Variants in FGF12 observed in about 807,000 individuals in gnomAD.
FGF12 encodes fibroblast growth factor 12.
Under a neutral mutation model 23.6 loss-of-function variants are expected in FGF12, and 14 were observed. The ratio of observed to expected loss-of-function variants is 0.59; its 90% CI spans 0.39 to 0.93. The LOEUF is 0.93. Ranked by LOEUF, FGF12 falls within the 40% of genes least tolerant of loss-of-function variation. The pLI is 0.00. For synonymous variants in FGF12, 62 were observed against 77.3 expected, an observed-to-expected ratio of 0.80 and a Z score of 1.04; for missense variants, 175 against 217.8, an observed-to-expected ratio of 0.80 and a Z score of 1.24.
intron 2 of FGF12, among the ~76,000 whole-genome samples, chr3:192,539,510 G>C (rs1412486081): frequency 6.6e-6 from 1 of 152,024 alleles, no homozygotes; most frequent in Non-Finnish European, 1.5e-5. Context: ...CATGATGAAT[G>C]ATCTTTTTAA....
intron 2 of FGF12, among the ~76,000 whole-genome samples, chr3:192,505,462 A>G (rs1170315956): frequency 6.6e-6 from 1 of 152,248 alleles, no homozygotes; most frequent in Non-Finnish European, 1.5e-5. Flanking sequence ...GAAACAAAAC[A>G]TATTAATGTT....
chr3:192,597,751 C>G (rs528592526), intron 2 of FGF12, among the ~76,000 whole-genome samples: 1 of 152,284 alleles, frequency 6.6e-6, no homozygotes, highest in South Asian at 2.1e-4. Flanking sequence ...TTGCCAGTTA[C>G]GTGGATGACA....
At position 192,408,786 on chromosome 3, in the gene FGF12, G is replaced by T. The variant is rs914585538; in HGVS notation, c.14-48248C>A. On this transcript the variant is annotated intron_variant, in intron 2 of 5. Transcript: ENST00000445105. The surrounding 1 kb of genome is among the most constrained non-coding windows in gnomAD (Gnocchi z 7.3). ...AATAAAACGTTCCTTTAGAAAACAAGCCACCAACCGCACGAGAGAAGGAGA... is the reference window on the plus strand; with the variant it reads ...AATAAAACGTTCCTTTAGAAAACAATCCACCAACCGCACGAGAGAAGGAGA... The T allele has an allele frequency of 1.0e-6, 1 of 985,826 alleles. No individual in the cohort carries two copies. The highest frequency in any genetic ancestry group is 1.2e-6 in the Non-Finnish European group (1 of 830,254). The allele number at this position is 985,826 out of a possible 1,614,324, so 61.1% of individuals were successfully genotyped here. A position where few individuals can be genotyped will look rare whatever the true frequency, so the allele number is the denominator to read the frequency against.
intron 2 of FGF12, among the ~76,000 whole-genome samples, chr3:192,381,358 T>G (rs1475561284): frequency 1.3e-5 from 2 of 152,186 alleles, no homozygotes; most frequent in African/African-American, 2.4e-5. Context: ...ATCCTAAACC[T>G]ACTGCCTGCC....
intron 2 of FGF12, among the ~76,000 whole-genome samples, chr3:192,726,016 T>C (rs1323974444): frequency 2.0e-5 from 3 of 152,352 alleles, no homozygotes; most frequent in Non-Finnish European, 2.9e-5. Flanking sequence ...CAGCTCTTTT[T>C]ATACTATAAA....
intron 2 of FGF12, among the ~76,000 whole-genome samples, chr3:192,382,327 A>G (rs960639121): frequency 1.3e-5 from 2 of 151,768 alleles, no homozygotes; most frequent in African/African-American, 4.8e-5. Context: ...TTGTACATCA[A>G]TCAAATGCTA....
At chr3:192,550,161 T>C (rs1328672422) in intron 2 of FGF12, among the ~76,000 whole-genome samples, 1 of 151,544 alleles carries the variant, frequency 6.6e-6, no homozygotes. Context: ...GGATGGTTAA[T>C]TTTATGTGTC....
At chr3:192,439,072 C>T (rs569038300) in intron 2 of FGF12, among the ~76,000 whole-genome samples, 23 of 152,254 alleles carry the variant, frequency 1.5e-4, no homozygotes, top group African/African-American at 4.8e-4. Context: ...AACATGAGAT[C>T]GACTGCCTTT....
Position 192,169,825 on chromosome 3 carries a change from G to A in FGF12, c.427+633C>T, listed in dbSNP as rs1244008086. On this transcript the variant is annotated intron_variant, in intron 5 of 5. Coordinates refer to ENST00000445105, the MANE Select transcript of FGF12 (RefSeq NM_004113.6). ...GAACATAGCCTAGCTGCCAAAAATC[G>A]GTTTCCTCAGAAAAAAAAAAACAAA... Among the ~76,000 whole-genome samples, 8 of 123,518 alleles carry A rather than the reference G, an allele frequency of 6.5e-5. No individual in the cohort carries two copies. The East Asian group carries it at 6.9e-4, about 11-fold the overall frequency. The allele number at this position is 123,518 out of a possible 152,430, so 81.0% of individuals were successfully genotyped here. A position where few individuals can be genotyped will look rare whatever the true frequency, so the allele number is the denominator to read the frequency against.
chr3:192,263,052 AC>A (rs531995807), intron 4 of FGF12, among the ~76,000 whole-genome samples: 113 of 152,208 alleles, frequency 7.4e-4, no homozygotes, highest in Non-Finnish European at 1.2e-3. Context: ...ATTAGCATAA[AC>A]ACTCTGATTC....
In FGF12 at chr3:192,408,841, C is replaced by T. The variant is rs928736415; in HGVS notation, c.14-48303G>A. The T allele has an allele frequency of 3.0e-6, 3 of 985,424 alleles. No homozygotes were observed. Among genetic ancestry groups the T allele is most frequent in the African/African-American group, 3.5e-5 (2 of 57,230 alleles). 61.0% of individuals were successfully genotyped at this position (985,424 alleles called of 1,614,324 possible). A position where few individuals can be genotyped will look rare whatever the true frequency, so the allele number is the denominator to read the frequency against. On this transcript the variant is annotated intron_variant, in intron 2 of 5. Coordinates refer to ENST00000445105, the MANE Select transcript of FGF12 (RefSeq NM_004113.6). This position sits in a 1 kb window ranked among gnomAD's most constrained non-coding sequence, Gnocchi z 7.3. ...GGCAGCAATTTAACTCCCTGCGGCC[C>T]GCGGTTCTGAAGATTAGGAGGTCCG... is the stretch of plus-strand genomic sequence containing the variant.
chr3:192,416,333 T>C (rs188971574), intron 2 of FGF12, among the ~76,000 whole-genome samples: 3 of 152,260 alleles, frequency 2.0e-5, no homozygotes. Flanking sequence ...AAATGTTAAG[T>C]ACAAAGAGTA....
chr3:192,494,429 C>G (rs1321583904), intron 2 of FGF12, among the ~76,000 whole-genome samples: 3 of 152,152 alleles, frequency 2.0e-5, no homozygotes, highest in Non-Finnish European at 4.4e-5. Context: ...TCTGTCAAAC[C>G]TACTTCTACT....
intron 2 of FGF12, among the ~76,000 whole-genome samples, chr3:192,673,766 C>A (rs942949948): frequency 6.6e-6 from 1 of 151,184 alleles, no homozygotes; most frequent in African/African-American, 2.4e-5. Context: ...ATATGTACCA[C>A]ATTTCCTATA....
chr3:192,240,495 T>C (rs150491678), intron 4 of FGF12, among the ~76,000 whole-genome samples: 4 of 152,180 alleles, frequency 2.6e-5, no homozygotes, highest in Non-Finnish European at 5.9e-5. Flanking sequence ...AAATGTAAAC[T>C]TAGCTGTTAT....
chr3:192,404,489 C>T (rs1435106781), intron 2 of FGF12, among the ~76,000 whole-genome samples: 2 of 152,144 alleles, frequency 1.3e-5, no homozygotes, highest in Non-Finnish European at 2.9e-5. Context: ...AAAGGTTGGA[C>T]ATGAATAAGC....
chr3:192,624,957 T>C (rs1715109745), intron 2 of FGF12, among the ~76,000 whole-genome samples: 1 of 152,138 alleles, frequency 6.6e-6, no homozygotes, highest in African/African-American at 2.4e-5. Context: ...TACAGACTAC[T>C]GTCATAGTCC....
At chr3:192,676,536 T>G (rs1717332970) in intron 2 of FGF12, among the ~76,000 whole-genome samples, 1 of 152,366 alleles carries the variant, frequency 6.6e-6, no homozygotes, top group Non-Finnish European at 1.5e-5. Flanking sequence ...GGATTCATTA[T>G]ATGTGAGTTT....
At chr3:192,543,509 C>T (rs1725424842) in intron 2 of FGF12, among the ~76,000 whole-genome samples, 1 of 152,086 alleles carries the variant, frequency 6.6e-6, no homozygotes, top group Admixed American at 6.5e-5. Context: ...CCCATTGTGG[C>T]CGAGCTGGTA....
Sources: allele counts gnomAD v4.1 joint callset (sites outside exome capture counted in the v4.1 genomes callset), GRCh38; gene constraint gnomAD v4.1.1; non-coding constraint Gnocchi (gnomAD v3.1); transcripts MANE v1.5; gene names NCBI Gene and HGNC (gene_info 2026-07-23, HGNC 2026-07-21).